Variants in PNLIP observed in about 807,000 individuals in gnomAD.
PNLIP encodes the protein pancreatic lipase, also known as pancreatic triacylglycerol lipase.
PNLIP carries 49 observed loss-of-function variants against 57.1 expected under a neutral mutation model. The ratio of observed to expected loss-of-function variants is 0.86; its 90% CI spans 0.68 to 1.09. The LOEUF is 1.09. Among genes scored for constraint, PNLIP ranks in the 50% least tolerant of loss-of-function variants. The pLI is 0.00. For missense variants in PNLIP, 503 were observed against 570.2 expected (o/e 0.88, Z 1.20); for synonymous variants, 209 against 200.4 (o/e 1.04, Z -0.36).
At chr10:116,547,517 G>A in intron 3 of PNLIP, 69 bp downstream of exon 3, 2 of 1,287,472 alleles carry the variant, frequency 1.6e-6, no homozygotes, top group South Asian at 2.7e-5. Context: ...ACGAGGTCAG[G>A]AGATCGAGAC....
rs1294335843 is a variant in PNLIP, at chr10:116,560,503, C to G, written c.1148C>G (p.Ser383Cys). ...TCTTTGTTCGGAAATAAAGGAAACT[C>G]TAAGCAGTATGAAATTTTCAAGTGA... ...LVSLFGNKGN[S>C]KQYEIFKGTL... Residue 383 changes from serine to cysteine, a missense_variant, in exon 11 of 13, where the codon TCT becomes TGT. Physicochemically the swap from Ser to Cys is moderately radical, Grantham distance 112 (BLOSUM62 -1). Coordinates refer to ENST00000369221, the MANE Select transcript of PNLIP (RefSeq NM_000936.4). 1 of 1,509,958 alleles carries G rather than the reference C, an allele frequency of 6.6e-7. No homozygotes were observed. The highest frequency in any genetic ancestry group is 9.1e-7 in the Non-Finnish European group (1 of 1,095,402). The allele number at this position is 1,509,958 out of a possible 1,614,324, so 93.5% of individuals were successfully genotyped here. A position where few individuals can be genotyped will look rare whatever the true frequency, so the allele number is the denominator to read the frequency against.
In PNLIP at chr10:116,567,827, G is replaced by C; in HGVS notation, c.*29G>C. 6.5e-7 allele frequency: 1 copy of C among 1,546,390 alleles called. No individual in the cohort carries two copies. The highest frequency in any genetic ancestry group is 1.4e-5 in the African/African-American group (1 of 73,642). ...ACTACTGTTATTTGACCAATGAATT[G>C]ACTTCTAATAAAATCTAGTGGTGAT... On this transcript the variant is annotated 3_prime_UTR_variant, in exon 13 of 13. Coordinates refer to ENST00000369221, the MANE Select transcript of PNLIP (RefSeq NM_000936.4).
intron 6 of PNLIP, 103 bp downstream of exon 6, chr10:116,553,941 C>A: frequency 3.9e-6 from 2 of 517,590 alleles, no homozygotes; most frequent in South Asian, 3.1e-5. Flanking sequence ...ACTCCTATCT[C>A]CTTAAAAAAA....
intron 12 of PNLIP, among the ~76,000 whole-genome samples, chr10:116,563,847 G>A (rs1482766011): frequency 1.3e-5 from 2 of 152,046 alleles, no homozygotes; most frequent in Non-Finnish European, 2.9e-5. Flanking sequence ...ATACATAATA[G>A]AAACTTTCTG....
intron 4 of PNLIP, among the ~76,000 whole-genome samples, chr10:116,549,065 C>T (rs1458693783): frequency 6.6e-6 from 1 of 152,168 alleles, no homozygotes; most frequent in Non-Finnish European, 1.5e-5. Flanking sequence ...CTAGTAACTG[C>T]TAGTGCTTGA....
At position 116,551,180 on chromosome 10, in the gene PNLIP, A is replaced by T. The variant is rs1847187068; in HGVS notation, c.407A>T (p.Gln136Leu). The T allele has an allele frequency of 6.2e-7, 1 of 1,613,082 alleles. No individual in the cohort carries two copies. The highest frequency in any genetic ancestry group is 8.5e-7 in the Non-Finnish European group (1 of 1,179,468). The change falls in exon 5 of 13, where the codon CAG becomes CTG. Residue 136 changes from glutamine to leucine, a missense_variant. Physicochemically the swap from Gln to Leu is moderately radical, Grantham distance 113 (BLOSUM62 -2). Coordinates refer to ENST00000369221, the MANE Select transcript of PNLIP (RefSeq NM_000936.4). ...GSRTGYTQAS[Q>L]NIRIVGAEVA... ...CGAACTGGATACACACAAGCCTCGC[A>T]GAACATCAGGATCGTGGGAGCAGAA...
chr10:116,551,583 C>A (rs1847194433), intron 5 of PNLIP, among the ~76,000 whole-genome samples: 1 of 152,122 alleles, frequency 6.6e-6, no homozygotes, highest in African/African-American at 2.4e-5. Context: ...TTAAGAGAAG[C>A]ACGGTGATAA....
intron 9 of PNLIP, among the ~76,000 whole-genome samples, chr10:116,558,199 C>CTTT (rs71010092): frequency 1.7e-5 from 2 of 118,264 alleles, no homozygotes; most frequent in African/African-American, 3.0e-5. Context: ...ATCTTTCTTT[C>CTTT]TTTTTTTTTT....
intron 5 of PNLIP, among the ~76,000 whole-genome samples, chr10:116,552,680 A>G (rs1042327713): frequency 1.1e-4 from 17 of 152,018 alleles, no homozygotes; most frequent in African/African-American, 4.1e-4. Context: ...AGGTCAGGAG[A>G]TGGAGACCAT....
At chr10:116,556,714 C>T (rs1009921247) in intron 9 of PNLIP, among the ~76,000 whole-genome samples, 2 of 151,576 alleles carry the variant, frequency 1.3e-5, no homozygotes, top group Admixed American at 1.3e-4. Flanking sequence ...TCAAATATGA[C>T]ATATCTATTG....
At chr10:116,565,228 T>A (rs1318972517) in intron 12 of PNLIP, among the ~76,000 whole-genome samples, 1 of 99,970 alleles carries the variant, frequency 1.0e-5, no homozygotes, top group South Asian at 3.8e-4. Flanking sequence ...CCAGCCTGGG[T>A]GACAGAGCGA....
intron 10 of PNLIP, among the ~76,000 whole-genome samples, chr10:116,559,659 C>T (rs915198796): frequency 1.3e-5 from 2 of 152,044 alleles, no homozygotes; most frequent in Non-Finnish European, 2.9e-5. Flanking sequence ...AATGGAAAGA[C>T]ATTGACAGAT....
intron 4 of PNLIP, among the ~76,000 whole-genome samples, chr10:116,550,766 T>G (rs562995721): frequency 6.6e-6 from 1 of 152,312 alleles, no homozygotes; most frequent in African/African-American, 2.4e-5. Flanking sequence ...AACGTAGTCT[T>G]ATGGCATTTA....
chr10:116,555,086 C>T (rs919689110), intron 6 of PNLIP, 92 bp from the exon 7 acceptor site: 13 of 1,375,180 alleles, frequency 9.5e-6, no homozygotes, highest in South Asian at 2.4e-5. Context: ...AGGAAGAACC[C>T]GTTCATCCCT....
intron 12 of PNLIP, among the ~76,000 whole-genome samples, chr10:116,566,967 T>C (rs553510323): frequency 2.6e-5 from 4 of 152,194 alleles, no homozygotes; most frequent in Middle Eastern, 3.4e-3. Context: ...CTGTTCTTTC[T>C]TTCTTTCCTT....
chr10:116,559,150 C>A lies in PNLIP; in HGVS notation c.931-4C>A. 1 of 1,606,970 alleles carries A rather than the reference C, an allele frequency of 6.2e-7. No homozygotes were observed. The highest frequency in any genetic ancestry group is 8.5e-7 in the Non-Finnish European group (1 of 1,178,014). ...CTCATTCATCATTTGTTTGTTTTCA[C>A]TAGAACAAGTGTTTCCCTTGTCCAA... On this transcript the variant is annotated splice_region_variant and splice_polypyrimidine_tract_variant and intron_variant, in intron 9 of 12. Coordinates refer to ENST00000369221, the MANE Select transcript of PNLIP (RefSeq NM_000936.4).
intron 12 of PNLIP, 40 bp downstream of exon 12, chr10:116,561,676 C>T (rs1434940466): frequency 6.4e-7 from 1 of 1,554,738 alleles, no homozygotes; most frequent in African/African-American, 1.4e-5. Context: ...AATATCGAGT[C>T]TGTGTTTATA....
At chr10:116,546,468 C>G (rs1274794376) in intron 2 of PNLIP, among the ~76,000 whole-genome samples, 1 of 152,152 alleles carries the variant, frequency 6.6e-6, no homozygotes, top group African/African-American at 2.4e-5. Flanking sequence ...GACATCAAGT[C>G]AAGTTAAGAG....
intron 12 of PNLIP, among the ~76,000 whole-genome samples, chr10:116,564,774 G>A (rs1847347299): frequency 6.6e-6 from 1 of 152,100 alleles, no homozygotes; most frequent in African/African-American, 2.4e-5. Context: ...ACTATTGGAA[G>A]GTTCTTATAC....
Sources: gnomAD v4.1 joint callset for allele counts (sites outside exome capture counted in the v4.1 genomes callset) on GRCh38, gnomAD v4.1.1 for gene constraint, MANE v1.5 for transcripts, NCBI Gene and HGNC (gene_info 2026-07-23, HGNC 2026-07-21) for gene names.